The following ICA1L variants were observed in gnomAD, a reference collection of about 807,000 sequenced individuals.
The protein encoded by ICA1L is islet cell autoantigen 1 like, also known as islet cell autoantigen 1-like protein.
A neutral mutation model predicts 61.3 loss-of-function variants in ICA1L; 50 were observed. That is an observed-to-expected ratio of 0.82 (90% CI 0.65 to 1.03). The LOEUF (loss-of-function observed/expected upper bound fraction) is 1.03. ICA1L is among the 50% of genes least tolerant of loss of function. The probability of loss-of-function intolerance (pLI) is 0.00; values close to 1 mark genes in which losing one functional copy is unlikely to be tolerated. For missense variants in ICA1L, 508 were observed against 556.7 expected, an observed-to-expected ratio of 0.91 and a Z score of 0.88; for synonymous variants, 161 against 191.3, an observed-to-expected ratio of 0.84 and a Z score of 1.31.
Position 202,828,836 on chromosome 2 carries a change from C to G in ICA1L, c.162+12G>C, listed in dbSNP as rs4675296. The G allele has an allele frequency of 0.93, 1,501,527 of 1,611,338 alleles. 701,794 individuals carry two copies. Among genetic ancestry groups the G allele is most frequent in the Middle Eastern group, 0.95 (5,726 of 6,052 alleles). ...GCTGGTTATATGCAATACATAGAAT[C>G]CTCAAATTTACCTCAAGTTTAGCAT... is the stretch of plus-strand genomic sequence containing the variant. On this transcript the variant is annotated intron_variant, in intron 2 of 12. Transcript: ENST00000358299.
intron 11 of ICA1L, among the ~76,000 whole-genome samples, chr2:202,787,359 G>T (rs2105820119): frequency 6.6e-6 from 1 of 152,294 alleles, no homozygotes; most frequent in South Asian, 2.1e-4. Context: ...GGCAAGTTAT[G>T]GAGGAAGAGG....
At chr2:202,805,001 A>G (rs1255501085) in intron 9 of ICA1L, among the ~76,000 whole-genome samples, 2 of 152,258 alleles carry the variant, frequency 1.3e-5, no homozygotes, top group Non-Finnish European at 2.9e-5. Flanking sequence ...ATCAAAATGT[A>G]TGGACCTTCA....
At chr2:202,792,820 A>T (rs889606374) in intron 10 of ICA1L, among the ~76,000 whole-genome samples, 2 of 152,138 alleles carry the variant, frequency 1.3e-5, no homozygotes, top group South Asian at 2.1e-4. Context: ...TTAAAAAAAA[A>T]TAATAATAAA....
chr2:202,805,559 GACA>G (rs1165555391), intron 9 of ICA1L, among the ~76,000 whole-genome samples: 4 of 151,636 alleles, frequency 2.6e-5, no homozygotes, highest in East Asian at 1.9e-4. Flanking sequence ...AACAAAGCAA[GACA>G]ACAACAACAA....
chr2:202,781,442 C>T (rs939323183), intron 12 of ICA1L, among the ~76,000 whole-genome samples: 4 of 151,660 alleles, frequency 2.6e-5, no homozygotes, highest in South Asian at 4.2e-4. Flanking sequence ...GGCGTGGTGG[C>T]GCACACCTGT....
At chr2:202,794,181 C>A (rs1344424188) in intron 10 of ICA1L, among the ~76,000 whole-genome samples, 1 of 149,090 alleles carries the variant, frequency 6.7e-6, no homozygotes, top group Non-Finnish European at 1.5e-5. Flanking sequence ...AAGCTGCCAA[C>A]AAAATTCAAC....
Position 202,776,785 on chromosome 2 carries a change from A to C in ICA1L, c.*2748T>G, listed in dbSNP as rs1216718781. On this transcript the variant is annotated 3_prime_UTR_variant, in exon 13 of 13. Coordinates refer to ENST00000358299, the MANE Select transcript of ICA1L (RefSeq NM_001288622.3). The stretch of plus-strand genomic sequence containing the variant: ...AAACATATACTCTGTTGAAAGAAGA[A>C]ATGTTATAGAAACTAGTAACAGAAT... The C allele has an allele frequency of 6.6e-6, 1 of 152,190 alleles. No individual in the cohort carries two copies. Among genetic ancestry groups the C allele is most frequent in the Non-Finnish European group, 1.5e-5 (1 of 68,044 alleles). The allele number at this position is 152,190 out of a possible 1,614,324, so 9.4% of individuals were successfully genotyped here.
At chr2:202,848,716 G>A (rs1694532067) in intron 1 of ICA1L, among the ~76,000 whole-genome samples, 1 of 152,136 alleles carries the variant, frequency 6.6e-6, no homozygotes, top group African/African-American at 2.4e-5. Context: ...TCTAGTCTTT[G>A]TATACATACA....
At chr2:202,816,275 C>T (rs534723461) in intron 6 of ICA1L, among the ~76,000 whole-genome samples, 1 of 152,026 alleles carries the variant, frequency 6.6e-6, no homozygotes, top group Non-Finnish European at 1.5e-5. Context: ...GTGACTGCAG[C>T]TAAGAGAATG....
chr2:202,869,812 T>C (rs1261359690), intron 1 of ICA1L, among the ~76,000 whole-genome samples: 1 of 152,064 alleles, frequency 6.6e-6, no homozygotes, highest in African/African-American at 2.4e-5. Context: ...AATAATGAGA[T>C]ACATAGAAGG....
At chr2:202,821,612 T>A in intron 3 of ICA1L, 131 bp from the exon 4 acceptor site, 1 of 617,380 alleles carries the variant, frequency 1.6e-6, no homozygotes, top group Non-Finnish European at 2.6e-6. Context: ...GAGAGACTTA[T>A]TTTTTAAATG....
intron 1 of ICA1L, among the ~76,000 whole-genome samples, chr2:202,844,903 G>A (rs1404058848): frequency 6.6e-6 from 1 of 152,134 alleles, no homozygotes; most frequent in Non-Finnish European, 1.5e-5. Flanking sequence ...ATTTCTTCTG[G>A]AGGCTACAAA....
intron 1 of ICA1L, among the ~76,000 whole-genome samples, chr2:202,837,503 C>A (rs1378867340): frequency 6.6e-6 from 1 of 150,946 alleles, no homozygotes; most frequent in Non-Finnish European, 1.5e-5. Context: ...GATCTCCTGA[C>A]CTCGTGATCC....
intron 1 of ICA1L, among the ~76,000 whole-genome samples, chr2:202,856,263 T>C (rs1694768090): frequency 6.6e-6 from 1 of 152,036 alleles, no homozygotes; most frequent in South Asian, 2.1e-4. Flanking sequence ...CAGCAGCATA[T>C]CAAAAAGCTT....
chr2:202,841,125 T>A, intron 1 of ICA1L: 1 of 639,840 alleles, frequency 1.6e-6, no homozygotes, highest in Admixed American at 2.0e-5. Context: ...GTTGATCTCT[T>A]CAGTCAGCCC....
intron 1 of ICA1L, among the ~76,000 whole-genome samples, chr2:202,861,778 G>A (rs140606214): frequency 6.6e-6 from 1 of 151,218 alleles, no homozygotes; most frequent in African/African-American, 2.4e-5. Context: ...CCAGCTACTG[G>A]GAAGGCTGAG....
At chr2:202,788,744 G>T in intron 11 of ICA1L, 86 bp downstream of exon 11, 1 of 1,347,360 alleles carries the variant, frequency 7.4e-7, no homozygotes, top group Non-Finnish European at 1.0e-6. Context: ...CAATCTGCTT[G>T]TTGGTTCTAG....
At chr2:202,813,512 A>C (rs1344164008) in intron 8 of ICA1L, among the ~76,000 whole-genome samples, 1 of 152,218 alleles carries the variant, frequency 6.6e-6, no homozygotes, top group East Asian at 1.9e-4. Context: ...GGGAAGTTCA[A>C]GATCATGGCC....
rs756662492 is a variant in ICA1L, at chr2:202,777,116, A to G, written c.*2417T>C. The G allele has an allele frequency of 7.9e-6, 1 of 126,694 alleles. No individual in the cohort carries two copies. Among genetic ancestry groups the G allele is most frequent in the African/African-American group, 3.1e-5 (1 of 32,406 alleles). The allele number at this position is 126,694 out of a possible 1,614,324, so 7.8% of individuals were successfully genotyped here. On this transcript the variant is annotated 3_prime_UTR_variant, in exon 13 of 13. Coordinates refer to ENST00000358299, the MANE Select transcript of ICA1L (RefSeq NM_001288622.3). The stretch of plus-strand genomic sequence containing the variant: ...TGCCCAGGCTGGAGTGTAGTGGTGC[A>G]ATCTCGACTCACTGCAACCTCTGCC...
Sources: gnomAD v4.1 joint callset for allele counts (sites outside exome capture counted in the v4.1 genomes callset) on GRCh38, gnomAD v4.1.1 for gene constraint, MANE v1.5 for transcripts, NCBI Gene and HGNC (gene_info 2026-07-23, HGNC 2026-07-21) for gene names.